TXK: variants seen among roughly 807,000 people sequenced by gnomAD.
TXK encodes tyrosine-protein kinase TXK.
TXK carries 60 observed loss-of-function variants against 81.0 expected under a neutral mutation model. That is an observed-to-expected ratio of 0.74 (90% CI 0.60 to 0.92). The LOEUF (loss-of-function observed/expected upper bound fraction) is 0.92, where lower values mean the gene tolerates loss of function less well. Ranked by LOEUF, TXK falls within the 40% of genes least tolerant of loss-of-function variation. The pLI, the probability that TXK is intolerant of heterozygous loss-of-function variation, is 0.00. For missense variants in TXK, 581 were observed against 638.3 expected, an observed-to-expected ratio of 0.91 and a Z score of 0.97; for synonymous variants, 203 against 210.7, an observed-to-expected ratio of 0.96 and a Z score of 0.32.
intron 1 of TXK, among the ~76,000 whole-genome samples, chr4:48,133,417 G>A (rs1257970463): frequency 6.6e-6 from 1 of 152,086 alleles, no homozygotes; most frequent in Non-Finnish European, 1.5e-5. Context: ...TATTATATAT[G>A]AGGGAAAGAG....
intron 6 of TXK, among the ~76,000 whole-genome samples, chr4:48,098,065 A>T (rs1283190294): frequency 6.6e-6 from 1 of 152,158 alleles, no homozygotes; most frequent in African/African-American, 2.4e-5. Context: ...CCACATTTAA[A>T]CAGTACTATA....
At position 48,067,509 on chromosome 4, in the gene TXK, TG is replaced by T; in HGVS notation, c.*127del. On this transcript the variant is annotated 3_prime_UTR_variant, in exon 15 of 15. Coordinates refer to ENST00000264316, the MANE Select transcript of TXK (RefSeq NM_003328.3). ...TAAAACTTTTAAAAACTGTGATCTT[TG>T]CACTGTTTTCAAGAGTCAGCAACTC... The T allele has an allele frequency of 1.1e-6, 1 of 942,492 alleles. No individual in the cohort carries two copies. Among genetic ancestry groups the T allele is most frequent in the Non-Finnish European group, 1.7e-6 (1 of 603,976 alleles). 58.4% of individuals were successfully genotyped at this position (942,492 alleles called of 1,614,324 possible).
At chr4:48,113,853 T>C (rs1291790805) in intron 2 of TXK, among the ~76,000 whole-genome samples, 1 of 152,106 alleles carries the variant, frequency 6.6e-6, no homozygotes, top group East Asian at 1.9e-4. Context: ...ACTGTATGAG[T>C]TAATAAACAT....
intron 5 of TXK, among the ~76,000 whole-genome samples, chr4:48,108,373 T>C (rs1476838465): frequency 6.6e-6 from 1 of 152,228 alleles, no homozygotes; most frequent in Non-Finnish European, 1.5e-5. Context: ...TGAACATGTA[T>C]TATGTAACAG....
intron 5 of TXK, among the ~76,000 whole-genome samples, chr4:48,109,776 G>T (rs1040764936): frequency 3.3e-5 from 5 of 152,174 alleles, no homozygotes; most frequent in East Asian, 1.9e-4. Flanking sequence ...AACCAAGGAG[G>T]TTCTCTCATT....
intron 8 of TXK, among the ~76,000 whole-genome samples, chr4:48,093,324 A>C (rs1462766882): frequency 6.6e-6 from 1 of 152,258 alleles, no homozygotes; most frequent in Non-Finnish European, 1.5e-5. Flanking sequence ...AATCTAAAAA[A>C]GAAGTGCATG....
In TXK at chr4:48,132,637, T is replaced by C. The variant is rs1577685512; in HGVS notation, c.16+1518A>G. Among the ~76,000 whole-genome samples the C allele has an allele frequency of 2.0e-5, 3 of 152,132 alleles. No homozygotes were observed. The South Asian group carries it at 6.2e-4, about 32-fold the overall frequency. On this transcript the variant is annotated intron_variant, in intron 1 of 14. Transcript: ENST00000264316. ...ATATTTAAGGCAAAAGGAAGAGCAC[T>C]TAAATCCCGAGTCTGGCAAGTCTCA...
intron 8 of TXK, among the ~76,000 whole-genome samples, chr4:48,092,183 G>T (rs1717803220): frequency 6.6e-6 from 1 of 152,186 alleles, no homozygotes; most frequent in Non-Finnish European, 1.5e-5. Context: ...CTGCGGGATT[G>T]CAAGTGCCTT....
chr4:48,115,965 A>T (rs1361128890), intron 1 of TXK, among the ~76,000 whole-genome samples: 1 of 152,212 alleles, frequency 6.6e-6, no homozygotes, highest in Non-Finnish European at 1.5e-5. Context: ...TTCTGGAGGC[A>T]GCAGAGTACC....
chr4:48,093,980 A>G, intron 8 of TXK, 97 bp downstream of exon 8: 6 of 1,453,616 alleles, frequency 4.1e-6, no homozygotes, highest in Non-Finnish European at 5.8e-6. Context: ...CTATTTCTAT[A>G]GGGAGATTTG....
intron 13 of TXK, among the ~76,000 whole-genome samples, chr4:48,072,457 T>G (rs1339509512): frequency 6.6e-6 from 1 of 152,216 alleles, no homozygotes; most frequent in Admixed American, 6.5e-5. Flanking sequence ...CCCTTCTTTC[T>G]GCTAAAAGAT....
intron 11 of TXK, among the ~76,000 whole-genome samples, chr4:48,077,360 A>G (rs977327379): frequency 6.6e-6 from 1 of 152,236 alleles, no homozygotes; most frequent in African/African-American, 2.4e-5. Context: ...ACTTGAAATA[A>G]TAAATCACAA....
At chr4:48,115,537 T>C (rs1490196567) in intron 1 of TXK, among the ~76,000 whole-genome samples, 1 of 152,118 alleles carries the variant, frequency 6.6e-6, no homozygotes, top group Non-Finnish European at 1.5e-5. Context: ...TGAAGTGAGA[T>C]GATTTTCCTT....
intron 2 of TXK, 62 bp downstream of exon 2, chr4:48,114,285 CA>C (rs895172068): frequency 3.2e-6 from 5 of 1,545,246 alleles, no homozygotes; most frequent in Non-Finnish European, 4.5e-6. Context: ...ATGGTGACTC[CA>C]CAGGTAATAA....
At chr4:48,082,650 T>C (rs1001052923) in intron 10 of TXK, among the ~76,000 whole-genome samples, 2 of 152,182 alleles carry the variant, frequency 1.3e-5, no homozygotes, top group Admixed American at 6.5e-5. Flanking sequence ...ACCTATGGCC[T>C]TAAGTGAGAA....
intron 10 of TXK, among the ~76,000 whole-genome samples, chr4:48,080,662 T>TCACACACACACACACA (rs57819050): frequency 1.5e-4 from 21 of 144,474 alleles, no homozygotes; most frequent in South Asian, 9.3e-4. Context: ...TATTTGGTAA[T>TCACACACACACACACA]CACACACACA....
chr4:48,125,917 A>G (rs189295463), intron 1 of TXK, among the ~76,000 whole-genome samples: 4 of 152,350 alleles, frequency 2.6e-5, no homozygotes, highest in Non-Finnish European at 4.4e-5. Context: ...AGGGACTTCA[A>G]CTGTGGGAGA....
At chr4:48,100,941 T>C (rs985649590) in intron 6 of TXK, among the ~76,000 whole-genome samples, 1 of 151,940 alleles carries the variant, frequency 6.6e-6, no homozygotes, top group African/African-American at 2.4e-5. Context: ...TAAAAATGTA[T>C]ATAGTATGCT....
chr4:48,112,543 T>A, intron 3 of TXK, 31 bp from the exon 4 acceptor site: 1 of 1,562,082 alleles, frequency 6.4e-7, no homozygotes, highest in Non-Finnish European at 8.6e-7. Flanking sequence ...GTTGTTTTAC[T>A]ATCATTTTAA....
Sources: gnomAD v4.1 joint callset for allele counts (sites outside exome capture counted in the v4.1 genomes callset) on GRCh38, gnomAD v4.1.1 for gene constraint, MANE v1.5 for transcripts, NCBI Gene and HGNC (gene_info 2026-07-23, HGNC 2026-07-21) for gene names.